The following PPARGC1A variants were observed in gnomAD, a reference collection of about 807,000 sequenced individuals.
PPARGC1A encodes PPARG coactivator 1 alpha.
In PPARGC1A, 25 loss-of-function variants were observed where a neutral mutation model predicts 88.7. The ratio of observed to expected loss-of-function variants is 0.28; its 90% CI spans 0.21 to 0.39. The LOEUF is 0.39. Among genes scored for constraint, PPARGC1A ranks in the 10% least tolerant of loss-of-function variants. PPARGC1A has a pLI of 1.00. For synonymous variants in PPARGC1A, 363 were observed against 355.6 expected (o/e 1.02, Z -0.24); for missense variants, 880 against 968.7 (o/e 0.91, Z 1.22).
At chr4:23,803,514 A>T (rs1719169062) in intron 10 of PPARGC1A, among the ~76,000 whole-genome samples, 1 of 2,908 alleles carries the variant, frequency 3.4e-4, no homozygotes, top group African/African-American at 4.1e-3. Context: ...AAAATACAGG[A>T]ATAATATTTA....
chr4:24,075,902 C>A, the PPARGC1A span, among the ~76,000 whole-genome samples: 3 of 152,114 alleles, frequency 2.0e-5, no homozygotes, highest in African/African-American at 7.2e-5. Flanking sequence ...GAGCTAGGAC[C>A]AGGTTCTGAC....
At chr4:23,992,980 C>T in the PPARGC1A span, among the ~76,000 whole-genome samples, 30 of 152,158 alleles carry the variant, frequency 2.0e-4, no homozygotes, top group South Asian at 4.2e-4. Context: ...ACTAAAATAC[C>T]GCTTATGTTT....
chr4:24,037,217 T>C, the PPARGC1A span, among the ~76,000 whole-genome samples: 1 of 152,198 alleles, frequency 6.6e-6, no homozygotes, highest in Non-Finnish European at 1.5e-5. Flanking sequence ...ATCCAGAGTT[T>C]CTGTTTCTTT....
chr4:23,870,939 T>G (rs1402401031), intron 2 of PPARGC1A, among the ~76,000 whole-genome samples: 3 of 133,170 alleles, frequency 2.3e-5, no homozygotes, highest in African/African-American at 8.0e-5. Context: ...GGTATCCGTG[T>G]TTTTTTTTTT....
At chr4:24,467,242 C>G in the PPARGC1A span, among the ~76,000 whole-genome samples, 1 of 152,126 alleles carries the variant, frequency 6.6e-6, no homozygotes, top group Non-Finnish European at 1.5e-5. Context: ...CTAGGAGAAA[C>G]CCAAAGTCAG....
the PPARGC1A span, among the ~76,000 whole-genome samples, chr4:24,430,128 C>A: frequency 6.6e-6 from 1 of 152,138 alleles, no homozygotes; most frequent in Non-Finnish European, 1.5e-5. Flanking sequence ...TTTTCTGATG[C>A]TGCCCAAAGA....
At chr4:23,893,739 A>G (rs1435282449), upstream of PPARGC1A, among the ~76,000 whole-genome samples, 3 of 152,176 alleles carry the variant, frequency 2.0e-5, no homozygotes, top group Admixed American at 6.5e-5. Flanking sequence ...CTGTAGTTTT[A>G]GTTTTCTAAA....
the PPARGC1A span, among the ~76,000 whole-genome samples, chr4:24,459,572 T>C: frequency 6.6e-6 from 1 of 151,982 alleles, no homozygotes; most frequent in Admixed American, 6.6e-5. Flanking sequence ...AGGCAATAGC[T>C]TGAGCTCAGG....
the PPARGC1A span, among the ~76,000 whole-genome samples, chr4:24,090,308 T>C: frequency 6.6e-6 from 1 of 152,202 alleles, no homozygotes; most frequent in African/African-American, 2.4e-5. Context: ...TGAATAATGC[T>C]CCCACTCAAA....
the PPARGC1A span, among the ~76,000 whole-genome samples, chr4:24,144,226 A>C: frequency 6.6e-6 from 1 of 152,226 alleles, no homozygotes; most frequent in African/African-American, 2.4e-5. Context: ...GAATGGACAG[A>C]TGGTAACTGT....
At chr4:24,136,616 G>A in the PPARGC1A span, among the ~76,000 whole-genome samples, 1 of 152,144 alleles carries the variant, frequency 6.6e-6, no homozygotes, top group African/African-American at 2.4e-5. Context: ...TCAGAGAAGA[G>A]CTCACATCTT....
the PPARGC1A span, among the ~76,000 whole-genome samples, chr4:24,070,640 T>C: frequency 6.6e-6 from 1 of 152,180 alleles, no homozygotes; most frequent in Non-Finnish European, 1.5e-5. Context: ...TGTTAAATAA[T>C]AGACCCTAAC....
the PPARGC1A span, among the ~76,000 whole-genome samples, chr4:24,135,524 G>T: frequency 1.3e-5 from 2 of 152,012 alleles, no homozygotes; most frequent in African/African-American, 4.8e-5. Context: ...ACAACTCAGT[G>T]CTCCTTGTGA....
chr4:24,009,522 G>A, the PPARGC1A span, among the ~76,000 whole-genome samples: 10 of 152,294 alleles, frequency 6.6e-5, no homozygotes, highest in Non-Finnish European at 1.3e-4. Context: ...GAGAAGCTGC[G>A]CATTTCAGGG....
the PPARGC1A span, among the ~76,000 whole-genome samples, chr4:24,449,209 G>T: frequency 1.3e-5 from 2 of 152,074 alleles, no homozygotes; most frequent in African/African-American, 2.4e-5. Flanking sequence ...TCCATGAACT[G>T]CTTAAAAACC....
At chr4:24,001,265 GGTGGAA>G in the PPARGC1A span, among the ~76,000 whole-genome samples, 1 of 152,094 alleles carries the variant, frequency 6.6e-6, no homozygotes, top group Non-Finnish European at 1.5e-5. Context: ...GCTATTAATT[GGTGGAA>G]GTGGGGAGGA....
At chr4:24,432,380 C>T in the PPARGC1A span, among the ~76,000 whole-genome samples, 1 of 152,084 alleles carries the variant, frequency 6.6e-6, no homozygotes, top group Non-Finnish European at 1.5e-5. Context: ...AGGGAGAGCT[C>T]ATTTTGGATG....
chr4:24,230,386 C>T, the PPARGC1A span, among the ~76,000 whole-genome samples: 1 of 152,128 alleles, frequency 6.6e-6, no homozygotes, highest in African/African-American at 2.4e-5. Flanking sequence ...AGATCTGAGG[C>T]CGGGTTGTAC....
At chr4:24,121,243 G>A in the PPARGC1A span, among the ~76,000 whole-genome samples, 5 of 152,172 alleles carry the variant, frequency 3.3e-5, no homozygotes, top group South Asian at 8.3e-4. Context: ...CCAGGAAAAC[G>A]CTATGGAGAA....
Sources: allele counts gnomAD v4.1 joint callset (sites outside exome capture counted in the v4.1 genomes callset), GRCh38; gene constraint gnomAD v4.1.1; transcripts MANE v1.5; gene names NCBI Gene and HGNC (gene_info 2026-07-23, HGNC 2026-07-21).